The following PTTG1IP2 variants were observed in gnomAD, a reference collection of about 807,000 sequenced individuals.
PTTG1IP2 encodes PTTG1IP family member 2.
At position 90,497,988 on chromosome 7, in the gene PTTG1IP2, T is replaced by C. The variant is rs531233769; in HGVS notation, c.*50+3558T>C. ...ATATTCATATATTTTGTTGAGTGCATGTATATTTATAATTGTTATATCCTC... is the reference window on the plus strand; with the variant it reads ...ATATTCATATATTTTGTTGAGTGCACGTATATTTATAATTGTTATATCCTC... On this transcript the variant is annotated intron_variant, in intron 6 of 6. Transcript: ENST00000509356. 3.1e-3 allele frequency among the ~76,000 whole-genome samples: 478 copies of C among 152,202 alleles called. 4 individuals are homozygous for C. The highest frequency in any genetic ancestry group is 0.011 in the African/African-American group (460 of 41,498).
chr7:90,478,148 G>A (rs1321987095), intron 1 of PTTG1IP2, among the ~76,000 whole-genome samples: 1 of 151,492 alleles, frequency 6.6e-6, no homozygotes, highest in Non-Finnish European at 1.5e-5. Context: ...CTGGGTGAGG[G>A]GGTATACAGG....
At chr7:90,501,363 A>G (rs947896836) in intron 6 of PTTG1IP2, among the ~76,000 whole-genome samples, 6 of 152,222 alleles carry the variant, frequency 3.9e-5, no homozygotes, top group Non-Finnish European at 8.8e-5. Flanking sequence ...AAAAAACAAC[A>G]TACATACCTT....
chr7:90,503,847 G>A (rs187530884), intron 6 of PTTG1IP2, among the ~76,000 whole-genome samples: 64 of 152,264 alleles, frequency 4.2e-4, no homozygotes, highest in African/African-American at 1.4e-3. Context: ...ATGTGATAGA[G>A]ACACAGAGTG....
At chr7:90,509,062 A>T (rs2116132272) in intron 6 of PTTG1IP2, among the ~76,000 whole-genome samples, 1 of 150,266 alleles carries the variant, frequency 6.7e-6, no homozygotes, top group East Asian at 2.0e-4. Flanking sequence ...TATGAACTTT[A>T]TTTTAAAGAT....
chr7:90,507,796 T>G (rs1195411913), intron 6 of PTTG1IP2, among the ~76,000 whole-genome samples: 1 of 152,136 alleles, frequency 6.6e-6, no homozygotes, highest in East Asian at 1.9e-4. Flanking sequence ...ACCTGACACA[T>G]AGTAGATGCT....
At chr7:90,505,887 G>A (rs894157375) in intron 6 of PTTG1IP2, among the ~76,000 whole-genome samples, 2 of 151,236 alleles carry the variant, frequency 1.3e-5, no homozygotes, top group South Asian at 2.1e-4. Context: ...GGGAGGCTGA[G>A]GCAGGAGAAT....
chr7:90,488,233 C>A (rs1797898362), intron 3 of PTTG1IP2, among the ~76,000 whole-genome samples: 1 of 151,978 alleles, frequency 6.6e-6, no homozygotes, highest in South Asian at 2.1e-4. Context: ...GCCCTCAAAT[C>A]TCTGTTTCTT....
At chr7:90,508,177 C>T (rs533054992) in intron 6 of PTTG1IP2, among the ~76,000 whole-genome samples, 25 of 149,360 alleles carry the variant, frequency 1.7e-4, no homozygotes, top group East Asian at 1.2e-3. Flanking sequence ...TGAGGTGCAA[C>T]GATTGCTTCA....
chr7:90,498,299 G>T (rs17865409), intron 6 of PTTG1IP2, among the ~76,000 whole-genome samples: 1,637 of 152,236 alleles, frequency 0.011, 35 homozygotes, highest in African/African-American at 0.038. Context: ...ACCATAAAAT[G>T]GTAGCAGTAG....
At chr7:90,486,874 A>G (rs899800519) in intron 2 of PTTG1IP2, among the ~76,000 whole-genome samples, 1 of 152,196 alleles carries the variant, frequency 6.6e-6, no homozygotes, top group African/African-American at 2.4e-5. Flanking sequence ...CTATGGAGTG[A>G]CAGACTCAGG....
At chr7:90,494,655 G>A (rs1385030081) in intron 6 of PTTG1IP2, among the ~76,000 whole-genome samples, 1 of 152,148 alleles carries the variant, frequency 6.6e-6, no homozygotes, top group African/African-American at 2.4e-5. Flanking sequence ...GCGGAAGAGG[G>A]AGGATCACCT....
At chr7:90,483,874 A>G (rs1049585227) in intron 2 of PTTG1IP2, among the ~76,000 whole-genome samples, 9 of 152,020 alleles carry the variant, frequency 5.9e-5, no homozygotes, top group African/African-American at 2.2e-4. Flanking sequence ...AAATGAGCAC[A>G]TTTCTTCACA....
At chr7:90,471,075 G>A (rs1460051031) in intron 1 of PTTG1IP2, among the ~76,000 whole-genome samples, 2 of 152,074 alleles carry the variant, frequency 1.3e-5, no homozygotes, top group South Asian at 2.1e-4. Context: ...CTCACTTCTA[G>A]GGCTGGCCAA....
At chr7:90,508,305 A>G (rs1346463627) in intron 6 of PTTG1IP2, among the ~76,000 whole-genome samples, 1 of 151,642 alleles carries the variant, frequency 6.6e-6, no homozygotes, top group Non-Finnish European at 1.5e-5. Context: ...AAATATTTCT[A>G]CAGTAAGTTC....
At chr7:90,510,537 G>A (rs897917659) in intron 6 of PTTG1IP2, among the ~76,000 whole-genome samples, 2 of 152,202 alleles carry the variant, frequency 1.3e-5, no homozygotes, top group Non-Finnish European at 2.9e-5. Context: ...ATGCATGTAT[G>A]TTTGCCTGTG....
At chr7:90,506,610 TTTTTTAA>T in intron 6 of PTTG1IP2, among the ~76,000 whole-genome samples, 1 of 152,090 alleles carries the variant, frequency 6.6e-6, no homozygotes, top group East Asian at 1.9e-4. Flanking sequence ...TAAAAAAAAT[TTTTTTAA>T]TTAGCTGGAT....
chr7:90,480,985 T>C (rs536813946), intron 2 of PTTG1IP2, among the ~76,000 whole-genome samples: 1 of 152,326 alleles, frequency 6.6e-6, no homozygotes, highest in African/African-American at 2.4e-5. Flanking sequence ...TTTGTTCTTA[T>C]AAACTGATAA....
At chr7:90,509,005 G>T (rs1313753135) in intron 6 of PTTG1IP2, among the ~76,000 whole-genome samples, 2 of 152,124 alleles carry the variant, frequency 1.3e-5, no homozygotes, top group East Asian at 3.8e-4. Flanking sequence ...GATGAGAAAG[G>T]CACTTGGGCC....
intron 6 of PTTG1IP2, among the ~76,000 whole-genome samples, chr7:90,498,032 C>T (rs1172826661): frequency 3.4e-5 from 5 of 146,758 alleles, no homozygotes; most frequent in Middle Eastern, 3.5e-3. Context: ...TGAACCCCCC[C>T]TTTTTTTTTT....
Sources: gnomAD v4.1 joint callset for allele counts (sites outside exome capture counted in the v4.1 genomes callset) on GRCh38, gnomAD v4.1.1 for gene constraint, MANE v1.5 for transcripts, NCBI Gene and HGNC (gene_info 2026-07-23, HGNC 2026-07-21) for gene names.